Variants in FHIT observed in about 807,000 individuals in gnomAD.
The protein encoded by FHIT is bis(5'-adenosyl)-triphosphatase.
A neutral mutation model predicts 17.9 loss-of-function variants in FHIT; 19 were observed. That is an observed-to-expected ratio of 1.06 (90% CI 0.74 to 1.56). The LOEUF is 1.56. FHIT is among the 40% of genes most tolerant of loss of function. The pLI is 0.00. For missense variants in FHIT, 248 were observed against 189.2 expected (o/e 1.31, Z -1.82); for synonymous variants, 81 against 69.7 (o/e 1.16, Z -0.81).
chr3:60,290,933 G>A (rs1164417961), intron 5 of FHIT, among the ~76,000 whole-genome samples: 2 of 152,164 alleles, frequency 1.3e-5, no homozygotes, highest in Non-Finnish European at 2.9e-5. Flanking sequence ...CTGGAGGAGT[G>A]AAGTCCAAAG....
At chr3:60,351,834 T>C (rs112488490) in intron 5 of FHIT, among the ~76,000 whole-genome samples, 30 of 152,104 alleles carry the variant, frequency 2.0e-4, no homozygotes, top group African/African-American at 6.7e-4. Context: ...TATAGACCCA[T>C]GCAGAAACCA....
At chr3:59,890,903 C>T (rs1703827038) in intron 8 of FHIT, among the ~76,000 whole-genome samples, 1 of 152,138 alleles carries the variant, frequency 6.6e-6, no homozygotes, top group African/African-American at 2.4e-5. Flanking sequence ...AACACTGGCT[C>T]TCATAATCTG....
At chr3:59,863,925 C>T (rs560756185) in intron 8 of FHIT, among the ~76,000 whole-genome samples, 1 of 152,216 alleles carries the variant, frequency 6.6e-6, no homozygotes, top group Non-Finnish European at 1.5e-5. Flanking sequence ...AAAAGTTTGC[C>T]CTTCCCTGCT....
At chr3:60,801,846 AG>A (rs1553732449) in intron 4 of FHIT, among the ~76,000 whole-genome samples, 1 of 152,236 alleles carries the variant, frequency 6.6e-6, no homozygotes, top group African/African-American at 2.4e-5. Flanking sequence ...ATATGTGTGT[AG>A]CACAAAGTAG....
intron 3 of FHIT, among the ~76,000 whole-genome samples, chr3:60,907,555 A>T (rs896918050): frequency 3.9e-5 from 6 of 152,220 alleles, no homozygotes; most frequent in Non-Finnish European, 1.5e-5. Flanking sequence ...TATCAATGTT[A>T]AATTTCATGT....
intron 2 of FHIT, among the ~76,000 whole-genome samples, chr3:61,082,073 A>G (rs1456432007): frequency 2.7e-5 from 4 of 149,502 alleles, no homozygotes; most frequent in African/African-American, 1.0e-4. Context: ...CATTGCTCCA[A>G]TAGATTCTCC....
chr3:61,077,497 GC>G (rs1315553677), intron 2 of FHIT, among the ~76,000 whole-genome samples: 6 of 151,818 alleles, frequency 4.0e-5, no homozygotes, highest in Non-Finnish European at 7.4e-5. Context: ...AAAAAAAACA[GC>G]CATGCCAGTA....
intron 5 of FHIT, among the ~76,000 whole-genome samples, chr3:60,170,399 C>T (rs1434493933): frequency 6.6e-6 from 1 of 152,122 alleles, no homozygotes; most frequent in African/African-American, 2.4e-5. Flanking sequence ...AATAACTCCT[C>T]CTGTTGGCTG....
intron 3 of FHIT, among the ~76,000 whole-genome samples, chr3:60,955,635 C>CATATATAT (rs1553778580): frequency 6.2e-5 from 3 of 48,336 alleles, no homozygotes; most frequent in South Asian, 6.2e-4. Context: ...TATATATATA[C>CATATATAT]ACACACACAC....
chr3:60,100,217 T>G (rs1704133342), intron 5 of FHIT, among the ~76,000 whole-genome samples: 1 of 152,058 alleles, frequency 6.6e-6, no homozygotes, highest in Non-Finnish European at 1.5e-5. Context: ...AAACCCCGTC[T>G]CTACTAAAAA....
At chr3:60,346,591 T>C (rs1710793078) in intron 5 of FHIT, among the ~76,000 whole-genome samples, 2 of 152,200 alleles carry the variant, frequency 1.3e-5, no homozygotes, top group African/African-American at 2.4e-5. Context: ...GAGTTTGTTT[T>C]CTTTTTTCCT....
chr3:60,648,817 G>C (rs184287686), intron 4 of FHIT, among the ~76,000 whole-genome samples: 2 of 152,224 alleles, frequency 1.3e-5, no homozygotes, highest in Non-Finnish European at 2.9e-5. Context: ...TTAAGCCAGA[G>C]ACTCCCTTCT....
chr3:60,860,530 TATC>T lies in FHIT; in HGVS notation c.-110-38522_-110-38520del, dbSNP rs1703690768. ...ATATATGATACATATGTATCATATA[TATC>T]AGGTATATATGATACATATGTATCA... On this transcript the variant is annotated intron_variant, in intron 3 of 9. Transcript: ENST00000492590. 1.2e-4 allele frequency among the ~76,000 whole-genome samples: 4 copies of T among 34,370 alleles called. 1 individual carries two copies. The highest frequency in any genetic ancestry group is 3.5e-4 in the Non-Finnish European group (4 of 11,474). The allele number at this position is 34,370 out of a possible 152,430, so 22.5% of individuals were successfully genotyped here. A position where few individuals can be genotyped will look rare whatever the true frequency, so the allele number is the denominator to read the frequency against.
intron 2 of FHIT, among the ~76,000 whole-genome samples, chr3:61,110,454 C>A (rs558255058): frequency 6.6e-6 from 1 of 152,304 alleles, no homozygotes; most frequent in Middle Eastern, 3.4e-3. Context: ...CCCTCTAATT[C>A]TCCTTACCTT....
At chr3:61,010,440 G>A (rs534615263) in intron 3 of FHIT, among the ~76,000 whole-genome samples, 16 of 152,258 alleles carry the variant, frequency 1.1e-4, no homozygotes, top group African/African-American at 3.6e-4. Flanking sequence ...ACAATCCCAT[G>A]TAATAAGTAC....
At chr3:60,217,145 C>T (rs1056501308) in intron 5 of FHIT, among the ~76,000 whole-genome samples, 2 of 152,114 alleles carry the variant, frequency 1.3e-5, no homozygotes, top group Admixed American at 6.6e-5. Flanking sequence ...TGTTAAAATG[C>T]GATGATTCTG....
chr3:60,895,137 C>T (rs1705727182), intron 3 of FHIT, among the ~76,000 whole-genome samples: 1 of 152,178 alleles, frequency 6.6e-6, no homozygotes, highest in African/African-American at 2.4e-5. Flanking sequence ...CCTTCCTTTG[C>T]CCATCATGTC....
Position 59,747,589 on chromosome 3 carries a change from T to A in FHIT, c.*1996A>T, listed in dbSNP as rs1216313913. Among the ~76,000 whole-genome samples, 1 of 152,056 alleles carries A rather than the reference T, an allele frequency of 6.6e-6. No homozygotes were observed. Among genetic ancestry groups the A allele is most frequent in the Admixed American group, 6.6e-5 (1 of 15,260 alleles). ...CCAAACATTAAGTCAAGAACATCTT[T>A]TTGGTCTTATAGTCTTTATTCTTAT... On this transcript the variant is annotated 3_prime_UTR_variant, in exon 10 of 10. Coordinates refer to ENST00000492590, the MANE Select transcript of FHIT (RefSeq NM_002012.4).
At chr3:60,343,254 C>G (rs1176414262) in intron 5 of FHIT, among the ~76,000 whole-genome samples, 1 of 152,068 alleles carries the variant, frequency 6.6e-6, no homozygotes, top group African/African-American at 2.4e-5. Context: ...ATTCTGAAAG[C>G]TGCCTGCAAT....
Sources: allele counts gnomAD v4.1 joint callset (sites outside exome capture counted in the v4.1 genomes callset), GRCh38; gene constraint gnomAD v4.1.1; transcripts MANE v1.5; gene names NCBI Gene and HGNC (gene_info 2026-07-23, HGNC 2026-07-21).